DACT2: variants seen among roughly 807,000 people sequenced by gnomAD.
DACT2 encodes dishevelled binding antagonist of beta catenin 2, also known as dapper homolog 2.
A neutral mutation model predicts 22.2 loss-of-function variants in DACT2; 20 were observed. The ratio of observed to expected loss-of-function variants is 0.90; its 90% confidence interval spans 0.63 to 1.31. The LOEUF is 1.31. DACT2 is among the 50% of genes most tolerant of loss of function. The probability of loss-of-function intolerance (pLI) is 0.00; values close to 1 mark genes in which losing one functional copy is unlikely to be tolerated. For missense variants in DACT2, 1,048 were observed against 1,061.4 expected, an observed-to-expected ratio of 0.99 and a Z score of 0.18; for synonymous variants, 463 against 479.8, an observed-to-expected ratio of 0.96 and a Z score of 0.46.
Position 168,308,592 on chromosome 6 carries a change from C to T in DACT2, c.1165G>A (p.Glu389Lys), listed in dbSNP as rs370353122. The T allele has an allele frequency of 4.7e-5, 72 of 1,546,838 alleles. No individual in the cohort carries two copies. In the African/African-American group the frequency reaches 6.8e-4, roughly 15 times the overall value. Residue 389 changes from glutamate to lysine, a missense_variant, in exon 4 of 4, where the codon GAG becomes AAG. Coordinates refer to ENST00000366795, the MANE Select transcript of DACT2 (RefSeq NM_214462.5). ...LLVFAPGRED[E>K]GGPAQSRGAG... ...CCCCTGCTCTGAGCTGGCCCTCCCT[C>T]GTCCTCCCTCCCTGGGGCGAAGACC...
At chr6:168,311,394 C>G in intron 1 of DACT2, 110 bp from the exon 2 acceptor site, 11 of 1,318,708 alleles carry the variant, frequency 8.3e-6, no homozygotes, top group Non-Finnish European at 1.1e-5. Flanking sequence ...TCCCAAAGTC[C>G]ACGCGAAATA....
intron 3 of DACT2, among the ~76,000 whole-genome samples, chr6:168,297,110 T>C (rs1779022040): frequency 6.6e-6 from 1 of 152,220 alleles, no homozygotes; most frequent in Non-Finnish European, 1.5e-5. Flanking sequence ...ATCTGTTTGA[T>C]TTGGCACCAT....
chr6:168,294,577 G>GTATATATATATATA lies in DACT2; in HGVS notation c.730+42_730+55dup, dbSNP rs1554269708. On this transcript the variant is annotated intron_variant, in intron 4 of 5. Coordinates refer to the DACT2 transcript ENST00000366796. ...TGTGTGTGTATGTGTGTGTGTGTGTGTATATATATATATATATATATATAT... is the reference window on the plus strand; with the variant it reads ...TGTGTGTGTATGTGTGTGTGTGTGTGTATATATATATATATATATATATATATATATATATATAT... The GTATATATATATATA allele has an allele frequency of 4.0e-3, 494 of 124,244 alleles. 5 individuals carry two copies. The highest frequency in any genetic ancestry group is 0.015 in the Middle Eastern group (5 of 344). The allele number at this position is 124,244 out of a possible 1,614,324, so 7.7% of individuals were successfully genotyped here. A position where few individuals can be genotyped will look rare whatever the true frequency, so the allele number is the denominator to read the frequency against.
At position 168,307,143 on chromosome 6, in the gene DACT2, G is replaced by T; in HGVS notation, c.*289C>A. On this transcript the variant is annotated 3_prime_UTR_variant, in exon 4 of 4. Transcript: ENST00000366795. The surrounding 1 kb of genome is among the most constrained non-coding windows in gnomAD (Gnocchi z 5.3). Reference sequence around the variant, plus strand: ...GGGAGGATGACAACATGGAAACAAGGTGCATGCCGGGAAGCAGCATCCTGG... The same window carrying T: ...GGGAGGATGACAACATGGAAACAAGTTGCATGCCGGGAAGCAGCATCCTGG... 8.1e-7 allele frequency: 1 copy of T among 1,231,676 alleles called. No individual in the cohort carries two copies. Among genetic ancestry groups the T allele is most frequent in the Non-Finnish European group, 1.0e-6 (1 of 982,884 alleles). 76.3% of individuals were successfully genotyped at this position (1,231,676 alleles called of 1,614,324 possible).
Position 168,308,788 on chromosome 6 carries a change from G to A in DACT2, c.969C>T (p.Leu323=), listed in dbSNP as rs530127614. 619 of 1,551,406 alleles carry A rather than the reference G, an allele frequency of 4.0e-4. 4 individuals are homozygous for A. Among genetic ancestry groups the A allele is most frequent in the South Asian group, 1.5e-3 (130 of 84,056 alleles). The change falls in exon 4 of 4, where the codon CTC becomes CTT. Residue 323 remains leucine, a synonymous_variant. Coordinates refer to ENST00000366795, the MANE Select transcript of DACT2 (RefSeq NM_214462.5). ...GLNTIQTGPV[L]EAGPARARAY... is the part of the protein sequence containing the mutation. ...CTCTGGCCCTGGCCGGGCCAGCCTC[G>A]AGGACCGGCCCAGTCTGGATGGTGT...
chr6:168,319,007 C>T (rs1285781603), intron 1 of DACT2, among the ~76,000 whole-genome samples: 1 of 152,124 alleles, frequency 6.6e-6, no homozygotes, highest in East Asian at 1.9e-4. Context: ...GATCCCGAGC[C>T]GACCTCCGCC....
chr6:168,307,363 C>T lies in DACT2; in HGVS notation c.*69G>A, dbSNP rs765595101. ...TGGCAAGACGACACTGAAACCCAGA[C>T]ATGCACAGGACACTGCATGGAAAGG... is the stretch of plus-strand genomic sequence containing the variant. On this transcript the variant is annotated 3_prime_UTR_variant, in exon 4 of 4. Coordinates refer to ENST00000366795, the MANE Select transcript of DACT2 (RefSeq NM_214462.5). This position sits in a 1 kb window ranked among gnomAD's most constrained non-coding sequence, Gnocchi z 5.3. The T allele has an allele frequency of 1.8e-5, 28 of 1,522,804 alleles. 1 individual carries two copies. The South Asian group carries it at 2.7e-4, about 15-fold the overall frequency. The allele number at this position is 1,522,804 out of a possible 1,614,324, so 94.3% of individuals were successfully genotyped here.
At chr6:168,311,113 G>A in intron 2 of DACT2, 39 bp downstream of exon 2, 4 of 1,494,812 alleles carry the variant, frequency 2.7e-6, no homozygotes, top group Non-Finnish European at 3.6e-6. Flanking sequence ...TGTGCTGCGT[G>A]CCTGCCCCTG....
At chr6:168,311,426 G>GC (rs1416523487) in intron 1 of DACT2, 142 bp from the exon 2 acceptor site, 1 of 1,144,274 alleles carries the variant, frequency 8.7e-7, no homozygotes, top group East Asian at 2.7e-5. Context: ...TCCGGCAGCT[G>GC]CCCCTGCTCA....
chr6:168,311,001 A>G, intron 2 of DACT2, 151 bp downstream of exon 2: 1 of 1,023,910 alleles, frequency 9.8e-7, no homozygotes, highest in Non-Finnish European at 1.3e-6. Flanking sequence ...CCTAACTTTC[A>G]GATCAGCCTG....
intron 3 of DACT2, among the ~76,000 whole-genome samples, 181 bp from the exon 4 acceptor site, chr6:168,309,279 C>T (rs118051930): frequency 3.3e-5 from 5 of 152,084 alleles, no homozygotes; most frequent in East Asian, 1.9e-4. Flanking sequence ...ACACAGGGCG[C>T]GGGGCAGACG....
At chr6:168,296,620 G>A (rs966550173) in intron 3 of DACT2, among the ~76,000 whole-genome samples, 8 of 152,088 alleles carry the variant, frequency 5.3e-5, no homozygotes, top group Non-Finnish European at 7.4e-5. Context: ...ACAAGCACCC[G>A]GAATCAGCAG....
chr6:168,310,046 C>G (rs1426981458), intron 3 of DACT2, 122 bp downstream of exon 3: 1 of 1,422,384 alleles, frequency 7.0e-7, no homozygotes, highest in African/African-American at 1.5e-5. Flanking sequence ...TTCCAGCGTC[C>G]CTTAGAGCCT....
chr6:168,310,867 CA>C (rs1285212582), intron 2 of DACT2, among the ~76,000 whole-genome samples: 1 of 152,204 alleles, frequency 6.6e-6, no homozygotes, highest in Non-Finnish European at 1.5e-5. Context: ...GGAGGTGCTT[CA>C]GCCACAGGCC....
Position 168,307,012 on chromosome 6 carries a change from G to A in DACT2, c.*420C>T, listed in dbSNP as rs1779223951. 1 of 1,004,680 alleles carries A rather than the reference G, an allele frequency of 1.0e-6. No individual in the cohort carries two copies. Among genetic ancestry groups the A allele is most frequent in the South Asian group, 4.4e-5 (1 of 22,692 alleles). 62.2% of individuals were successfully genotyped at this position (1,004,680 alleles called of 1,614,324 possible). A position where few individuals can be genotyped will look rare whatever the true frequency, so the allele number is the denominator to read the frequency against. Reference sequence around the variant, plus strand: ...AGTTTAAACTCAAATTCAATTTCCAGCTCAGAGTCCTGCAACCGCCTCTTT... The same window carrying A: ...AGTTTAAACTCAAATTCAATTTCCAACTCAGAGTCCTGCAACCGCCTCTTT... On this transcript the variant is annotated 3_prime_UTR_variant, in exon 4 of 4. Transcript: ENST00000366795. This position sits in a 1 kb window ranked among gnomAD's most constrained non-coding sequence, Gnocchi z 5.3.
At chr6:168,297,342 G>A (rs1301621619) in intron 3 of DACT2, among the ~76,000 whole-genome samples, 1 of 152,204 alleles carries the variant, frequency 6.6e-6, no homozygotes, top group African/African-American at 2.4e-5. Flanking sequence ...ATCCCCAATT[G>A]TCCGGGTGGA....
chr6:168,295,369 G>A (rs1778990758), intron 3 of DACT2, among the ~76,000 whole-genome samples: 2 of 152,180 alleles, frequency 1.3e-5, no homozygotes, highest in African/African-American at 4.8e-5. Context: ...CACTCTGCCT[G>A]GTTTGATTGC....
At position 168,319,676 on chromosome 6, in the gene DACT2, C is replaced by T; in HGVS notation, c.-43G>A. ...GGCCTCCCGAACCCCACGAGCGGCG[C>T]CGGAGGCCCAGCGCGCGCGGATCCC... On this transcript the variant is annotated 5_prime_UTR_variant, in exon 1 of 4. Transcript: ENST00000366795. 1 of 1,206,654 alleles carries T rather than the reference C, an allele frequency of 8.3e-7. No individual in the cohort carries two copies. Among genetic ancestry groups the T allele is most frequent in the Non-Finnish European group, 1.0e-6 (1 of 970,418 alleles). 74.7% of individuals were successfully genotyped at this position (1,206,654 alleles called of 1,614,324 possible).
In DACT2 at chr6:168,310,205, C is replaced by T; in HGVS notation, c.621G>A (p.Gln207=). 2 of 1,550,804 alleles carry T rather than the reference C, an allele frequency of 1.3e-6. No homozygotes were observed. The highest frequency in any genetic ancestry group is 1.4e-5 in the African/African-American group (1 of 73,170). ...RPPGSVEDAG[Q]PWGTFWPRPV... The stretch of plus-strand genomic sequence containing the variant: ...GCCTGGGCCAGAATGTGCCCCACGG[C>T]TGGCCTGCATCCTCCACGCTCCCTG... Residue 207 remains glutamine, a synonymous_variant, in exon 3 of 4, where the codon CAG becomes CAA. Coordinates refer to ENST00000366795, the MANE Select transcript of DACT2 (RefSeq NM_214462.5).
Sources: gnomAD v4.1 joint callset for allele counts (sites outside exome capture counted in the v4.1 genomes callset) on GRCh38, gnomAD v4.1.1 for gene constraint, Gnocchi (gnomAD v3.1) non-coding constraint, MANE v1.5 for transcripts, NCBI Gene and HGNC (gene_info 2026-07-23, HGNC 2026-07-21) for gene names.